The following STON1 variants were observed in gnomAD, a reference collection of about 807,000 sequenced individuals.
STON1 encodes stonin-1.
In STON1, 79 loss-of-function variants were observed where a neutral mutation model predicts 60.9. The observed-to-expected ratio is 1.30, with a 90% CI of 1.08 to 1.56. STON1 has a LOEUF of 1.56. Ranked by LOEUF, STON1 falls within the 40% of genes most tolerant of loss-of-function variation. The pLI, the probability that STON1 is intolerant of heterozygous loss-of-function variation, is 0.00. For synonymous variants in STON1, 363 were observed against 306.9 expected, an observed-to-expected ratio of 1.18 and a Z score of -1.91; for missense variants, 1,166 against 858.9, an observed-to-expected ratio of 1.36 and a Z score of -4.47.
At chr2:48,577,718 C>T (rs1352952886) in intron 1 of STON1, among the ~76,000 whole-genome samples, 2 of 151,128 alleles carry the variant, frequency 1.3e-5, no homozygotes, top group African/African-American at 2.4e-5. Context: ...TGGGTTCAAG[C>T]GATTCTCCTG....
At position 48,538,763 on chromosome 2, in the gene STON1, A is replaced by AT. The variant is rs34052598; in HGVS notation, c.-48+8573dup. On this transcript the variant is annotated intron_variant, in intron 1 of 3. Transcript: ENST00000404752. ...CAGGTGTGCGCCACCACACCCAGCT[A>AT]TTTTTTTTTTTTTTTTTTTTTTTTT... 9.6e-3 allele frequency among the ~76,000 whole-genome samples: 825 copies of AT among 86,362 alleles called. 26 individuals carry two copies. The highest frequency in any genetic ancestry group is 0.024 in the African/African-American group (515 of 21,766). The allele number at this position is 86,362 out of a possible 152,430, so 56.7% of individuals were successfully genotyped here. A position where few individuals can be genotyped will look rare whatever the true frequency, so the allele number is the denominator to read the frequency against.
intron 2 of STON1, 85 bp downstream of exon 2, chr2:48,582,648 G>A: frequency 6.6e-7 from 1 of 1,512,210 alleles, no homozygotes; most frequent in Non-Finnish European, 8.8e-7. Context: ...ACCAGGTAGA[G>A]ACAGATGGCA....
chr2:48,564,263 T>C (rs557547295), intron 1 of STON1, among the ~76,000 whole-genome samples: 2 of 152,238 alleles, frequency 1.3e-5, no homozygotes, highest in East Asian at 3.9e-4. Context: ...GAGATTTATT[T>C]CTCACAGTTC....
chr2:48,534,979 G>C (rs1220766056), intron 1 of STON1, among the ~76,000 whole-genome samples: 2 of 152,104 alleles, frequency 1.3e-5, no homozygotes, highest in African/African-American at 2.4e-5. Context: ...TTCCATGGAG[G>C]CTTCCTGGCC....
chr2:48,541,872 T>C (rs955296646), intron 1 of STON1, among the ~76,000 whole-genome samples: 1 of 152,154 alleles, frequency 6.6e-6, no homozygotes, highest in African/African-American at 2.4e-5. Context: ...CCTGCACGCT[T>C]ACTGCGGTGT....
At chr2:48,539,322 A>G (rs952547840) in intron 1 of STON1, among the ~76,000 whole-genome samples, 20 of 151,846 alleles carry the variant, frequency 1.3e-4, no homozygotes, top group African/African-American at 1.9e-4. Flanking sequence ...GTTCTTATCT[A>G]TATTTTTGTT....
intron 1 of STON1, among the ~76,000 whole-genome samples, chr2:48,568,570 A>G (rs900171336): frequency 2.0e-5 from 3 of 152,146 alleles, no homozygotes; most frequent in African/African-American, 7.2e-5. Flanking sequence ...AGAATACTGG[A>G]ATCGCCACTA....
intron 1 of STON1, among the ~76,000 whole-genome samples, chr2:48,561,112 C>G (rs1436690829): frequency 6.6e-6 from 1 of 152,192 alleles, no homozygotes; most frequent in Non-Finnish European, 1.5e-5. Context: ...TGAAAGACCT[C>G]CACTCTCTAC....
At chr2:48,546,839 T>G (rs1671882770) in intron 1 of STON1, among the ~76,000 whole-genome samples, 1 of 152,168 alleles carries the variant, frequency 6.6e-6, no homozygotes, top group South Asian at 2.1e-4. Flanking sequence ...ATGTGGGGAT[T>G]ACAGGTATGA....
intron 1 of STON1, among the ~76,000 whole-genome samples, chr2:48,576,556 G>C (rs929526844): frequency 2.7e-5 from 4 of 149,390 alleles, no homozygotes; most frequent in Middle Eastern, 3.4e-3. Flanking sequence ...TGAGGTGATA[G>C]ATACCTCGTT....
rs750444596 is a variant in STON1, at chr2:48,582,360, C to T, written c.1727C>T (p.Ser576Leu). The change falls in exon 2 of 4, where the codon TCG becomes TTG. Residue 576 changes from serine (S) to leucine (L), a missense_variant. Ser to Leu is a moderately radical substitution (Grantham distance 145, BLOSUM62 -2). Coordinates refer to ENST00000404752, the MANE Select transcript of STON1 (RefSeq NM_006873.4). ...ATAAGGATACACTTTCCTGTCCCAT[C>T]GCAGTGGATCAAGGCCCTTTGGACC... The part of the protein sequence containing the change: ...DNIRIHFPVP[S>L]QWIKALWTMN... The T allele has an allele frequency of 1.3e-5, 21 of 1,614,040 alleles. No homozygotes were observed. Among genetic ancestry groups the T allele is most frequent in the Middle Eastern group, 1.6e-4 (1 of 6,084 alleles).
At chr2:48,536,165 G>A (rs1270349399) in intron 1 of STON1, among the ~76,000 whole-genome samples, 1 of 152,130 alleles carries the variant, frequency 6.6e-6, no homozygotes, top group South Asian at 2.1e-4. Flanking sequence ...CCTTGGGCAA[G>A]TTGCCAAGTT....
intron 1 of STON1, among the ~76,000 whole-genome samples, chr2:48,564,459 T>C (rs1672764238): frequency 1.8e-5 from 1 of 54,294 alleles, no homozygotes; most frequent in African/African-American, 7.0e-5. Flanking sequence ...CTTCTTCTTC[T>C]TCTTCTTCTT....
At chr2:48,589,341 A>C (rs1270614057) in intron 2 of STON1, among the ~76,000 whole-genome samples, 1 of 152,214 alleles carries the variant, frequency 6.6e-6, no homozygotes, top group Admixed American at 6.5e-5. Flanking sequence ...TTGAGTGAAC[A>C]ATGACCAAAG....
rs546525765 is a variant in STON1 at position 48,582,047 on chromosome 2, G to C, written c.1414G>C (p.Glu472Gln). The C allele has an allele frequency of 1.2e-6, 2 of 1,614,124 alleles. No homozygotes were observed. The highest frequency in any genetic ancestry group is 4.5e-5 in the East Asian group (2 of 44,892). Residue 472 changes from glutamate to glutamine, a missense_variant, in exon 2 of 4, where the codon GAG becomes CAG. By Grantham distance (29) the Glu-to-Gln change is conservative. Transcript: ENST00000404752. ...GCCGAAGCGAGATGAATCCTATTATGAGAAGGACTCAGAAAAAAAGGGGAT... is the reference window on the plus strand; with the variant it reads ...GCCGAAGCGAGATGAATCCTATTATCAGAAGGACTCAGAAAAAAAGGGGAT... ...ELPKRDESYY[E>Q]KDSEKKGIDI... is the part of the protein sequence containing the mutation.
rs770409326 is a variant in STON1 at position 48,582,602 on chromosome 2, T to C, written c.1930+39T>C. ...ACCCCAAGTTTATTTTCATGGGAAA[T>C]AGCTTAAATATTCTTACCTTCCTCC... On this transcript the variant is annotated intron_variant, in intron 2 of 3. Transcript: ENST00000404752. The C allele has an allele frequency of 6.3e-6, 10 of 1,577,210 alleles. No homozygotes were observed. In the Admixed American group the frequency reaches 1.3e-4, roughly 20 times the overall value.
At chr2:48,578,581 C>CTTTTTTTTTTTTTTTTTTTTTTT (rs59933765) in intron 1 of STON1, among the ~76,000 whole-genome samples, 10 of 46,168 alleles carry the variant, frequency 2.2e-4, no homozygotes, top group Non-Finnish European at 2.8e-4. Flanking sequence ...CTCCTCCTTC[C>CTTTTTTTTTTTTTTTTTTTTTTT]TTTTTTTTTT....
intron 1 of STON1, among the ~76,000 whole-genome samples, chr2:48,554,580 C>A (rs1672233408): frequency 6.6e-6 from 1 of 152,108 alleles, no homozygotes. Flanking sequence ...CTGCCAGGGG[C>A]TCAAGCACCC....
At chr2:48,543,174 C>G (rs1291378806) in intron 1 of STON1, among the ~76,000 whole-genome samples, 1 of 151,914 alleles carries the variant, frequency 6.6e-6, no homozygotes, top group Admixed American at 6.6e-5. Flanking sequence ...GGGGTTTCAC[C>G]ATGTTGGCCA....
Sources: allele counts gnomAD v4.1 joint callset (sites outside exome capture counted in the v4.1 genomes callset), GRCh38; gene constraint gnomAD v4.1.1; transcripts MANE v1.5; gene names NCBI Gene and HGNC (gene_info 2026-07-23, HGNC 2026-07-21).